INSC: variants seen among roughly 807,000 people sequenced by gnomAD.
The protein encoded by INSC is INSC spindle orientation adaptor protein, also known as protein inscuteable homolog.
A neutral mutation model predicts 58.6 loss-of-function variants in INSC; 67 were observed. The observed-to-expected ratio is 1.14, with a 90% CI of 0.94 to 1.40. The LOEUF is 1.40. Ranked by LOEUF, INSC falls within the 40% of genes most tolerant of loss-of-function variation. The pLI, the probability that INSC is intolerant of heterozygous loss-of-function variation, is 0.00. For synonymous variants in INSC, 262 were observed against 276.1 expected, an observed-to-expected ratio of 0.95 and a Z score of 0.51; for missense variants, 714 against 692.0, an observed-to-expected ratio of 1.03 and a Z score of -0.36.
intron 2 of INSC, among the ~76,000 whole-genome samples, chr11:15,150,990 G>T (rs1223361888): frequency 6.6e-6 from 1 of 152,116 alleles, no homozygotes; most frequent in South Asian, 2.1e-4. Context: ...TGCTTTAAAG[G>T]GTAGTAGAAG....
intron 6 of INSC, among the ~76,000 whole-genome samples, chr11:15,199,198 A>G (rs1404571658): frequency 6.6e-6 from 1 of 152,196 alleles, no homozygotes; most frequent in Admixed American, 6.5e-5. Flanking sequence ...AACCATTAAC[A>G]TTTTTGAATG....
At chr11:15,267,810 G>T in the INSC span, among the ~76,000 whole-genome samples, 1 of 152,044 alleles carries the variant, frequency 6.6e-6, no homozygotes, top group Admixed American at 6.6e-5. Context: ...TTATTGATTG[G>T]ATGCAAGACA....
intron 1 of INSC, among the ~76,000 whole-genome samples, chr11:15,133,232 T>C (rs1028382096): frequency 6.6e-6 from 1 of 152,216 alleles, no homozygotes; most frequent in Admixed American, 6.5e-5. Context: ...TTGGTTAAGT[T>C]CTTTTGTTCT....
At chr11:15,187,707 G>A (rs1850021538) in intron 5 of INSC, among the ~76,000 whole-genome samples, 1 of 152,074 alleles carries the variant, frequency 6.6e-6, no homozygotes, top group South Asian at 2.1e-4. Flanking sequence ...TCTTTAAGAT[G>A]TTATTTTTTT....
chr11:15,123,881 C>T (rs1247167880), intron 1 of INSC, among the ~76,000 whole-genome samples: 1 of 152,204 alleles, frequency 6.6e-6, no homozygotes, highest in African/African-American at 2.4e-5. Flanking sequence ...TTGTCAGGAG[C>T]TGTCAACCTC....
intron 7 of INSC, among the ~76,000 whole-genome samples, chr11:15,215,362 T>C (rs756134180): frequency 6.6e-6 from 1 of 152,224 alleles, no homozygotes; most frequent in Non-Finnish European, 1.5e-5. Context: ...CAGACTTTCC[T>C]AAAATGGGAC....
chr11:15,241,730 A>G (rs1044508428), intron 12 of INSC: 1 of 644,544 alleles, frequency 1.6e-6, no homozygotes, highest in Non-Finnish European at 2.8e-6. Flanking sequence ...GCAAAAAAGT[A>G]AAATATATAG....
At chr11:15,264,349 G>A in the INSC span, among the ~76,000 whole-genome samples, 4 of 146,664 alleles carry the variant, frequency 2.7e-5, no homozygotes, top group African/African-American at 2.5e-5. Context: ...GAAGGCACAG[G>A]AAGTTCTCTG....
At chr11:15,258,232 T>C in the INSC span, among the ~76,000 whole-genome samples, 1 of 152,208 alleles carries the variant, frequency 6.6e-6, no homozygotes, top group Non-Finnish European at 1.5e-5. Context: ...GTGTTGTCTC[T>C]GGTTGTTGGT....
intron 6 of INSC, among the ~76,000 whole-genome samples, chr11:15,193,282 T>C (rs73426518): frequency 0.037 from 5,602 of 152,258 alleles, 346 homozygotes; most frequent in African/African-American, 0.13. Context: ...TGGAAGGCAA[T>C]TTTTTTAACC....
chr11:15,221,090 C>T (rs991860393), intron 7 of INSC, among the ~76,000 whole-genome samples: 5 of 152,150 alleles, frequency 3.3e-5, no homozygotes, highest in Admixed American at 6.5e-5. Flanking sequence ...AAGTGACTAA[C>T]GCCAAGTCAC....
intron 12 of INSC, among the ~76,000 whole-genome samples, 183 bp downstream of exon 12, chr11:15,240,706 G>A (rs1852315900): frequency 2.6e-5 from 4 of 152,182 alleles, no homozygotes; most frequent in Admixed American, 2.6e-4. Flanking sequence ...AAATCATGAT[G>A]AAAATTATAT....
chr11:15,191,016 T>C (rs1354916564), intron 6 of INSC, among the ~76,000 whole-genome samples: 7 of 146,180 alleles, frequency 4.8e-5, no homozygotes, highest in Middle Eastern at 3.5e-3. Flanking sequence ...AGTCTCACTC[T>C]GTCACCCAGG....
At chr11:15,189,363 TTTTG>T (rs1441388697) in intron 5 of INSC, among the ~76,000 whole-genome samples, 4 of 138,000 alleles carry the variant, frequency 2.9e-5, no homozygotes, top group African/African-American at 8.4e-5. Flanking sequence ...ATTTACACCA[TTTTG>T]TTTATTTATT....
chr11:15,150,903 A>G (rs181055002), intron 2 of INSC, among the ~76,000 whole-genome samples: 1 of 152,348 alleles, frequency 6.6e-6, no homozygotes, highest in African/African-American at 2.4e-5. Flanking sequence ...TTCACTTCCT[A>G]CCAGCTCTGT....
chr11:15,225,913 G>C (rs1350098614), intron 9 of INSC, 85 bp downstream of exon 9: 2 of 1,369,184 alleles, frequency 1.5e-6, no homozygotes, highest in Admixed American at 2.2e-5. Context: ...TCTGAGGCAG[G>C]GGAGAGAGCA....
Position 15,190,732 on chromosome 11 carries a change from A to G in INSC, c.611A>G (p.Asn204Ser). The G allele has an allele frequency of 6.2e-7, 1 of 1,613,920 alleles. No individual in the cohort carries two copies. The highest frequency in any genetic ancestry group is 2.2e-5 in the East Asian group (1 of 44,874). Residue 204 changes from asparagine to serine, a missense_variant, in exon 6 of 13, where the codon AAT becomes AGT. Transcript: ENST00000379556. The stretch of plus-strand genomic sequence containing the variant: ...GTGAGAAAAATTGATGCCTCAGACA[A>G]TATCTACACCACAGAGTCCACCACA... ...ALVRKIDASD[N>S]IYTTESTTGN... is the part of the protein sequence containing the mutation.
intron 7 of INSC, among the ~76,000 whole-genome samples, chr11:15,212,893 C>T (rs7125544): frequency 0.024 from 3,694 of 152,160 alleles, 167 homozygotes; most frequent in African/African-American, 0.086. Context: ...GGTATCTTTA[C>T]CTTGTTACTG....
chr11:15,206,418 A>G (rs936761875), intron 7 of INSC, among the ~76,000 whole-genome samples: 4 of 152,188 alleles, frequency 2.6e-5, no homozygotes, highest in Admixed American at 6.5e-5. Context: ...GAGCCACCCA[A>G]TGGGGCTCCA....
Sources: gnomAD v4.1 joint callset for allele counts (sites outside exome capture counted in the v4.1 genomes callset) on GRCh38, gnomAD v4.1.1 for gene constraint, MANE v1.5 for transcripts, NCBI Gene and HGNC (gene_info 2026-07-23, HGNC 2026-07-21) for gene names.